The following MATCAP2 variants were observed in gnomAD, a reference collection of about 807,000 sequenced individuals.
MATCAP2 encodes microtubule associated tyrosine carboxypeptidase 2, also known as putative tyrosine carboxypeptidase MATCAP2.
the MATCAP2 span, among the ~76,000 whole-genome samples, chr7:36,371,350 C>A: frequency 1.3e-5 from 2 of 152,094 alleles, no homozygotes; most frequent in Non-Finnish European, 2.9e-5. Context: ...TGGACTCAAG[C>A]AATCTGCCTG....
the MATCAP2 span, among the ~76,000 whole-genome samples, chr7:36,364,434 T>C: frequency 6.6e-6 from 1 of 152,154 alleles, no homozygotes; most frequent in African/African-American, 2.4e-5. Context: ...AAAAAAACCT[T>C]TTCTGATTTG....
At chr7:36,332,535 G>A in the MATCAP2 span, among the ~76,000 whole-genome samples, 8 of 152,132 alleles carry the variant, frequency 5.3e-5, no homozygotes, top group East Asian at 1.9e-4. Context: ...GCTGTCATAC[G>A]ATTACAACAC....
chr7:36,328,129 T>C, the MATCAP2 span, among the ~76,000 whole-genome samples: 1 of 151,536 alleles, frequency 6.6e-6, no homozygotes. Flanking sequence ...AGTGCAGTGA[T>C]GCAATCACAG....
At chr7:36,332,241 A>C in the MATCAP2 span, among the ~76,000 whole-genome samples, 2 of 152,184 alleles carry the variant, frequency 1.3e-5, no homozygotes, top group Non-Finnish European at 2.9e-5. Flanking sequence ...CAGAGTACTA[A>C]AATCCAGGCA....
the MATCAP2 span, among the ~76,000 whole-genome samples, chr7:36,328,316 C>T: frequency 4.6e-5 from 7 of 151,604 alleles, no homozygotes; most frequent in Non-Finnish European, 1.0e-4. Context: ...GCCTCCACCT[C>T]CCAAAGTGCT....
At chr7:36,351,941 T>TAA in the MATCAP2 span, among the ~76,000 whole-genome samples, 20,181 of 114,882 alleles carry the variant, frequency 0.18, 1,617 homozygotes, top group Admixed American at 0.2. Context: ...GGGAGATTGT[T>TAA]AAAAAAAAAA....
At chr7:36,382,381 T>C in the MATCAP2 span, among the ~76,000 whole-genome samples, 2 of 152,046 alleles carry the variant, frequency 1.3e-5, no homozygotes, top group African/African-American at 2.4e-5. Flanking sequence ...TTATATTTGA[T>C]GTTCAATAAA....
chr7:36,326,626 G>A, the MATCAP2 span: 14 of 698,262 alleles, frequency 2.0e-5, no homozygotes, highest in Admixed American at 1.3e-4. Flanking sequence ...TAAAAATTCC[G>A]CTGAATACTG....
At chr7:36,334,036 G>T in the MATCAP2 span, 1 of 1,614,144 alleles carries the variant, frequency 6.2e-7, no homozygotes, top group Admixed American at 1.7e-5. Context: ...TTTCTAAACA[G>T]AACACTGTGA....
chr7:36,344,635 AGGCATTGATAT>A, the MATCAP2 span, among the ~76,000 whole-genome samples: 1 of 152,222 alleles, frequency 6.6e-6, no homozygotes, highest in Non-Finnish European at 1.5e-5. Flanking sequence ...TTTGCCAGGT[AGGCATTGATAT>A]CCCTTCTCTG....
the MATCAP2 span, chr7:36,326,914 G>C: frequency 6.3e-7 from 1 of 1,593,032 alleles, no homozygotes; most frequent in Non-Finnish European, 8.5e-7. Flanking sequence ...ATCTTCATAA[G>C]AAACCTGAAA....
the MATCAP2 span, among the ~76,000 whole-genome samples, chr7:36,347,172 T>G: frequency 6.6e-6 from 1 of 152,148 alleles, no homozygotes; most frequent in African/African-American, 2.4e-5. Context: ...AAGGGAAGAG[T>G]AATCGAATAG....
the MATCAP2 span, chr7:36,368,209 G>A: frequency 7.2e-5 from 11 of 152,212 alleles, no homozygotes; most frequent in Non-Finnish European, 1.6e-4. Context: ...CAGTTTAGGA[G>A]GAGCTGAGAT....
chr7:36,335,086 T>A, the MATCAP2 span: 1 of 1,613,900 alleles, frequency 6.2e-7, no homozygotes, highest in Non-Finnish European at 8.5e-7. Context: ...AATGCTCACG[T>A]GCAGTGGACA....
At chr7:36,330,116 G>A in the MATCAP2 span, among the ~76,000 whole-genome samples, 1 of 149,032 alleles carries the variant, frequency 6.7e-6, no homozygotes, top group Non-Finnish European at 1.5e-5. Flanking sequence ...ACAGGGTCTG[G>A]CTCTGTCTCC....
At chr7:36,331,338 C>T in the MATCAP2 span, among the ~76,000 whole-genome samples, 2 of 152,102 alleles carry the variant, frequency 1.3e-5, no homozygotes, top group African/African-American at 4.8e-5. Context: ...ACAATTCTTT[C>T]CTCACTATAG....
the MATCAP2 span, among the ~76,000 whole-genome samples, chr7:36,389,149 G>T: frequency 2.0e-5 from 3 of 152,016 alleles, no homozygotes; most frequent in Non-Finnish European, 4.4e-5. Context: ...CCACCTCCCG[G>T]GTCCCAGTTC....
At chr7:36,356,408 G>C in the MATCAP2 span, 1 of 165,874 alleles carries the variant, frequency 6.0e-6, no homozygotes, top group South Asian at 1.5e-4. Context: ...CCAGCTACTC[G>C]GGAGGCTGAG....
the MATCAP2 span, among the ~76,000 whole-genome samples, chr7:36,360,497 T>G: frequency 2.6e-5 from 4 of 152,176 alleles, no homozygotes; most frequent in Non-Finnish European, 5.9e-5. Context: ...GAATAAAGTT[T>G]GGGAGTGTTA....
Sources: allele counts gnomAD v4.1 joint callset (sites outside exome capture counted in the v4.1 genomes callset), GRCh38; gene constraint gnomAD v4.1.1; transcripts MANE v1.5; gene names NCBI Gene and HGNC (gene_info 2026-07-23, HGNC 2026-07-21).